PKN2: variants seen among roughly 807,000 people sequenced by gnomAD.
PKN2 encodes the protein protein kinase N2.
In PKN2, 38 loss-of-function variants were observed where a neutral mutation model predicts 119.1. That is an observed-to-expected ratio of 0.32 (90% CI 0.25 to 0.42). The LOEUF (loss-of-function observed/expected upper bound fraction) is 0.42. PKN2 is among the 10% of genes least tolerant of loss of function. The probability of loss-of-function intolerance (pLI) is 1.00; values close to 1 mark genes in which losing one functional copy is unlikely to be tolerated. For synonymous variants in PKN2, 390 were observed against 384.9 expected, an observed-to-expected ratio of 1.01 and a Z score of -0.15; for missense variants, 850 against 1,165.1, an observed-to-expected ratio of 0.73 and a Z score of 3.94.
intron 1 of PKN2, among the ~76,000 whole-genome samples, chr1:88,734,113 T>G (rs1375175150): frequency 1.3e-5 from 2 of 151,778 alleles, no homozygotes; most frequent in Non-Finnish European, 2.9e-5. Flanking sequence ...GAGCAATGAT[T>G]GTACCACTGC....
chr1:88,689,074 G>A (rs1666229986), intron 1 of PKN2, among the ~76,000 whole-genome samples: 1 of 152,218 alleles, frequency 6.6e-6, no homozygotes, highest in African/African-American at 2.4e-5. Flanking sequence ...ACACTGGAAA[G>A]TGGAAGGTCT....
At chr1:88,765,652 G>C (rs1378427146) in intron 3 of PKN2, among the ~76,000 whole-genome samples, 1 of 152,086 alleles carries the variant, frequency 6.6e-6, no homozygotes, top group African/African-American at 2.4e-5. Flanking sequence ...AGTGGAAGTG[G>C]TGTTGTTGTT....
chr1:88,695,583 A>G (rs1187463951), intron 1 of PKN2, among the ~76,000 whole-genome samples: 1 of 152,166 alleles, frequency 6.6e-6, no homozygotes, highest in East Asian at 1.9e-4. Context: ...TGTTCTCAGC[A>G]TATCACTCAT....
intron 1 of PKN2, among the ~76,000 whole-genome samples, chr1:88,717,590 C>G (rs1020535669): frequency 6.6e-6 from 1 of 151,830 alleles, no homozygotes; most frequent in African/African-American, 2.4e-5. Flanking sequence ...GAATCGGCTA[C>G]TGAAGCTTGT....
chr1:88,765,377 C>T (rs1570596750), intron 3 of PKN2, among the ~76,000 whole-genome samples: 2 of 151,830 alleles, frequency 1.3e-5, no homozygotes, highest in South Asian at 4.1e-4. Flanking sequence ...CATCTTGCAT[C>T]GGTTTTAAGT....
chr1:88,788,891 G>T (rs6694383), intron 8 of PKN2, among the ~76,000 whole-genome samples: 2 of 152,026 alleles, frequency 1.3e-5, no homozygotes, highest in African/African-American at 4.8e-5. Flanking sequence ...AAAGCTTAAT[G>T]AAGCTCCCAT....
chr1:88,822,035 T>G lies in PKN2; in HGVS notation c.2342+32T>G, dbSNP rs763107929. 3.4e-6 allele frequency: 5 copies of G among 1,454,722 alleles called. No homozygotes were observed. In the African/African-American group the frequency reaches 7.2e-5, roughly 21 times the overall value. 90.1% of individuals were successfully genotyped at this position (1,454,722 alleles called of 1,614,324 possible). A position where few individuals can be genotyped will look rare whatever the true frequency, so the allele number is the denominator to read the frequency against. On this transcript the variant is annotated intron_variant, in intron 17 of 21. Transcript: ENST00000370521. Reference sequence around the variant, plus strand: ...TAATTTTTAATTTTTTCTAATGGCTTGCTTTGGTATGATTTAGAATTAAAG... The same window carrying G: ...TAATTTTTAATTTTTTCTAATGGCTGGCTTTGGTATGATTTAGAATTAAAG...
At chr1:88,757,833 A>G (rs112027022) in intron 2 of PKN2, among the ~76,000 whole-genome samples, 16,879 of 151,654 alleles carry the variant, frequency 0.11, 1,936 homozygotes, top group African/African-American at 0.3. Context: ...ATGAGGTCAG[A>G]AGTTCAAGAC....
intron 3 of PKN2, among the ~76,000 whole-genome samples, chr1:88,762,396 A>T (rs1669483110): frequency 6.6e-6 from 1 of 152,220 alleles, no homozygotes; most frequent in Non-Finnish European, 1.5e-5. Context: ...CCTCTGAGAT[A>T]GGCCTGCCAG....
chr1:88,723,182 C>T (rs969242366), intron 1 of PKN2, among the ~76,000 whole-genome samples: 3 of 151,916 alleles, frequency 2.0e-5, no homozygotes, highest in South Asian at 2.1e-4. Context: ...GGCTCAACCT[C>T]GGCTCACTGC....
At chr1:88,725,678 A>C (rs1667868004) in intron 1 of PKN2, among the ~76,000 whole-genome samples, 1 of 152,176 alleles carries the variant, frequency 6.6e-6, no homozygotes, top group African/African-American at 2.4e-5. Context: ...TTCTTCTATT[A>C]TGGTATGCAC....
intron 6 of PKN2, among the ~76,000 whole-genome samples, chr1:88,777,712 C>G (rs1466036976): frequency 6.6e-6 from 1 of 152,154 alleles, no homozygotes; most frequent in African/African-American, 2.4e-5. Flanking sequence ...CAATGGCATT[C>G]TAAAGTAAAC....
At chr1:88,742,738 T>C (rs1668623991) in intron 2 of PKN2, among the ~76,000 whole-genome samples, 1 of 152,118 alleles carries the variant, frequency 6.6e-6, no homozygotes, top group African/African-American at 2.4e-5. Context: ...GTTACATCTT[T>C]AGGAGCGGTC....
chr1:88,757,351 A>T (rs183789308), intron 2 of PKN2, among the ~76,000 whole-genome samples: 1 of 152,168 alleles, frequency 6.6e-6, no homozygotes, highest in African/African-American at 2.4e-5. Flanking sequence ...TATTTTAGAA[A>T]CAGTGTCTGA....
At chr1:88,718,630 C>G (rs57581599) in intron 1 of PKN2, among the ~76,000 whole-genome samples, 10,948 of 152,156 alleles carry the variant, frequency 0.072, 845 homozygotes, top group African/African-American at 0.19. Context: ...TTCTTAACAT[C>G]TTTTCAAGGA....
rs566511855 is a variant in PKN2, at chr1:88,724,693, T to C, written c.49-16295T>C. 4.0e-5 allele frequency among the ~76,000 whole-genome samples: 6 copies of C among 151,260 alleles called. No individual in the cohort carries two copies. The East Asian group carries it at 1.2e-3, about 30-fold the overall frequency. ...TTCAAGCAATTCTCCTGCCCCAGCC[T>C]CCTGAGTAGCTGGGATTACAGGTGC... On this transcript the variant is annotated intron_variant, in intron 1 of 21. Transcript: ENST00000370521.
At chr1:88,794,367 CAAAAA>C (rs61455908) in intron 8 of PKN2, among the ~76,000 whole-genome samples, 1 of 117,386 alleles carries the variant, frequency 8.5e-6, no homozygotes, top group African/African-American at 3.0e-5. Flanking sequence ...AATTCTGTCT[CAAAAA>C]AAAAAAAAAA....
chr1:88,684,353 G>T lies in PKN2; in HGVS notation c.-228G>T. On this transcript the variant is annotated 5_prime_UTR_variant, in exon 1 of 22. Transcript: ENST00000370521. The stretch of plus-strand genomic sequence containing the variant: ...GGAGCGACTAGACGAACAGTCCGGT[G>T]AGGGCGGCGAGAGGAAGCCCGCTAC... 1 of 474,444 alleles carries T rather than the reference G, an allele frequency of 2.1e-6. No homozygotes were observed. The highest frequency in any genetic ancestry group is 3.7e-6 in the Non-Finnish European group (1 of 267,014). The allele number at this position is 474,444 out of a possible 1,614,324, so 29.4% of individuals were successfully genotyped here.
chr1:88,692,626 ACTT>A (rs1172009900), intron 1 of PKN2, among the ~76,000 whole-genome samples: 1 of 152,186 alleles, frequency 6.6e-6, no homozygotes, highest in African/African-American at 2.4e-5. Flanking sequence ...GATGTAGAAC[ACTT>A]CTTTTTATGT....
Sources: allele counts gnomAD v4.1 joint callset (sites outside exome capture counted in the v4.1 genomes callset), GRCh38; gene constraint gnomAD v4.1.1; transcripts MANE v1.5; gene names NCBI Gene and HGNC (gene_info 2026-07-23, HGNC 2026-07-21).